CDKAL1: variants seen among roughly 807,000 people sequenced by gnomAD.
CDKAL1 encodes CDKAL1 threonylcarbamoyladenosine tRNA methylthiotransferase.
In CDKAL1, 32 loss-of-function variants were observed where a neutral mutation model predicts 68.2. The ratio of observed to expected loss-of-function variants is 0.47; its 90% CI spans 0.35 to 0.63. CDKAL1 has a LOEUF of 0.63. CDKAL1 is among the 30% of genes least tolerant of loss of function. The pLI is 0.00. For synonymous variants in CDKAL1, 234 were observed against 244.3 expected, an observed-to-expected ratio of 0.96 and a Z score of 0.39; for missense variants, 606 against 696.7, an observed-to-expected ratio of 0.87 and a Z score of 1.47.
chr6:21,208,788 A>G (rs1035876144), intron 15 of CDKAL1, among the ~76,000 whole-genome samples: 3 of 152,198 alleles, frequency 2.0e-5, no homozygotes, highest in African/African-American at 7.2e-5. Context: ...GTCTAGATAC[A>G]TAGCTTTTAT....
At position 20,867,696 on chromosome 6, in the gene CDKAL1, A is replaced by C. The variant is rs565294333; in HGVS notation, c.742+21518A>C. Reference sequence around the variant, plus strand: ...AGACCATGGTGAAGGCTGACACAGAATCATGGGACTTCATGGTCTGGTCCT... The same window carrying C: ...AGACCATGGTGAAGGCTGACACAGACTCATGGGACTTCATGGTCTGGTCCT... On this transcript the variant is annotated intron_variant, in intron 9 of 15. Coordinates refer to ENST00000274695, the MANE Select transcript of CDKAL1 (RefSeq NM_017774.3). 2.6e-5 allele frequency among the ~76,000 whole-genome samples: 4 copies of C among 152,306 alleles called. No individual in the cohort carries two copies. The South Asian group carries it at 8.3e-4, about 32-fold the overall frequency.
At chr6:21,165,224 G>C (rs1777104616) in intron 13 of CDKAL1, among the ~76,000 whole-genome samples, 1 of 152,168 alleles carries the variant, frequency 6.6e-6, no homozygotes, top group South Asian at 2.1e-4. Context: ...TGACTATGCT[G>C]TTCTAAGAAT....
intron 12 of CDKAL1, among the ~76,000 whole-genome samples, chr6:21,074,973 A>G (rs1771988374): frequency 6.6e-6 from 1 of 151,696 alleles, no homozygotes; most frequent in South Asian, 2.1e-4. Flanking sequence ...ACCTACTCCT[A>G]CCTCCCCACT....
chr6:20,875,086 T>A (rs1022983726), intron 9 of CDKAL1, among the ~76,000 whole-genome samples: 2 of 150,226 alleles, frequency 1.3e-5, no homozygotes, highest in African/African-American at 4.9e-5. Context: ...GATCATGAGG[T>A]CAGGAGATCG....
chr6:20,583,727 G>C (rs1002210649), intron 4 of CDKAL1, among the ~76,000 whole-genome samples: 1 of 151,508 alleles, frequency 6.6e-6, no homozygotes, highest in African/African-American at 2.4e-5. Flanking sequence ...TGTTACAATA[G>C]ATATAATAGA....
chr6:21,165,749 C>G (rs1433733468), intron 13 of CDKAL1, among the ~76,000 whole-genome samples: 1 of 152,170 alleles, frequency 6.6e-6, no homozygotes, highest in Admixed American at 6.5e-5. Flanking sequence ...GTCAAGGAGG[C>G]TACTAGGAGA....
At position 20,640,881 on chromosome 6, in the gene CDKAL1, G is replaced by A. The variant is rs188100474; in HGVS notation, c.287-8412G>A. Among the ~76,000 whole-genome samples, 858 of 152,250 alleles carry A rather than the reference G, an allele frequency of 5.6e-3. 5 individuals carry two copies. The highest frequency in any genetic ancestry group is 0.024 in the South Asian group (115 of 4,828). On this transcript the variant is annotated intron_variant, in intron 4 of 15. Coordinates refer to ENST00000274695, the MANE Select transcript of CDKAL1 (RefSeq NM_017774.3). Reference sequence around the variant, plus strand: ...AATTGGAATAAAAATGAAGGTCAACGTGGGAGGATTACATGAAAAAATGAA... The same window carrying A: ...AATTGGAATAAAAATGAAGGTCAACATGGGAGGATTACATGAAAAAATGAA...
intron 13 of CDKAL1, among the ~76,000 whole-genome samples, chr6:21,123,553 G>A (rs1774834987): frequency 6.6e-6 from 1 of 152,166 alleles, no homozygotes; most frequent in Non-Finnish European, 1.5e-5. Flanking sequence ...AGTTGATAGG[G>A]CTTGAGTCAG....
At chr6:20,885,423 T>C (rs1422018630) in intron 9 of CDKAL1, among the ~76,000 whole-genome samples, 1 of 152,208 alleles carries the variant, frequency 6.6e-6, no homozygotes, top group Non-Finnish European at 1.5e-5. Flanking sequence ...TGGGGAAAGA[T>C]AGTTCACCAA....
intron 8 of CDKAL1, among the ~76,000 whole-genome samples, chr6:20,831,769 C>T (rs957361814): frequency 6.6e-6 from 1 of 152,172 alleles, no homozygotes; most frequent in African/African-American, 2.4e-5. Context: ...ACATTTCAAA[C>T]AATTTTTTTG....
rs543448724 is a variant in CDKAL1, at chr6:20,646,806, C to T, written c.287-2487C>T. The stretch of plus-strand genomic sequence containing the variant: ...TTGCCCAGGCTGGAGTATGGTGGCA[C>T]GATCTCGGCTTACTGCAACCTCCAC... On this transcript the variant is annotated intron_variant, in intron 4 of 15. Transcript: ENST00000274695. 1.8e-4 allele frequency among the ~76,000 whole-genome samples: 28 copies of T among 152,204 alleles called. No homozygotes were observed. In the South Asian group the frequency reaches 1.9e-3, roughly 10 times the overall value.
At chr6:20,558,955 A>T in intron 4 of CDKAL1, 1 of 213,718 alleles carries the variant, frequency 4.7e-6, no homozygotes, top group Non-Finnish European at 9.5e-6. Flanking sequence ...AGGATGTTTA[A>T]TACTCTTCAT....
chr6:21,052,610 T>G (rs1225484538), intron 11 of CDKAL1, among the ~76,000 whole-genome samples: 4 of 149,956 alleles, frequency 2.7e-5, no homozygotes, highest in Non-Finnish European at 5.9e-5. Context: ...TGGCTTCAAG[T>G]GATCCTCTTT....
chr6:20,874,647 A>T (rs1344754843), intron 9 of CDKAL1, among the ~76,000 whole-genome samples: 1 of 152,092 alleles, frequency 6.6e-6, no homozygotes, highest in East Asian at 2.0e-4. Context: ...GATTACAGGC[A>T]TAAGCCACCA....
chr6:20,538,771 A>G (rs1228922047), intron 2 of CDKAL1, among the ~76,000 whole-genome samples: 1 of 152,188 alleles, frequency 6.6e-6, no homozygotes, highest in African/African-American at 2.4e-5. Flanking sequence ...GGGGTTGGGC[A>G]TTTACTTCAG....
chr6:20,862,674 T>TGCGTGCAC (rs1561839797), intron 9 of CDKAL1, among the ~76,000 whole-genome samples: 3 of 152,004 alleles, frequency 2.0e-5, no homozygotes, highest in Non-Finnish European at 4.4e-5. Flanking sequence ...CGCGCGTGCA[T>TGCGTGCAC]GCGCGCGTGC....
intron 11 of CDKAL1, among the ~76,000 whole-genome samples, chr6:21,062,369 A>C (rs16884466): frequency 0.044 from 6,634 of 152,258 alleles, 212 homozygotes; most frequent in East Asian, 0.15. Context: ...GCAAGTATAA[A>C]ACTAGCTAGC....
At chr6:20,611,695 A>G (rs9465831) in intron 4 of CDKAL1, among the ~76,000 whole-genome samples, 124,126 of 152,096 alleles carry the variant, frequency 0.82, 50,809 homozygotes, top group Middle Eastern at 0.91. Context: ...GATTGAGTCA[A>G]TATTTGGGGT....
chr6:21,214,414 A>G (rs773816800), intron 15 of CDKAL1, among the ~76,000 whole-genome samples: 1 of 152,008 alleles, frequency 6.6e-6, no homozygotes, highest in Non-Finnish European at 1.5e-5. Flanking sequence ...CAACAGCCTC[A>G]AGGATCAAGG....
Sources: gnomAD v4.1 joint callset for allele counts (sites outside exome capture counted in the v4.1 genomes callset) on GRCh38, gnomAD v4.1.1 for gene constraint, MANE v1.5 for transcripts, NCBI Gene and HGNC (gene_info 2026-07-23, HGNC 2026-07-21) for gene names.